The following GULP1 variants were observed in gnomAD, a reference collection of about 807,000 sequenced individuals.
GULP1 encodes the protein PTB domain-containing engulfment adapter protein 1.
Under a neutral mutation model 40.9 loss-of-function variants are expected in GULP1, and 19 were observed. That is an observed-to-expected ratio of 0.46 (90% CI 0.32 to 0.68). The LOEUF is 0.68. Ranked by LOEUF, GULP1 falls within the 30% of genes least tolerant of loss-of-function variation. The pLI, the probability that GULP1 is intolerant of heterozygous loss-of-function variation, is 0.03. For missense variants in GULP1, 312 were observed against 362.2 expected (o/e 0.86, Z 1.12); for synonymous variants, 119 against 117.6 (o/e 1.01, Z -0.08).
At position 188,580,281 on chromosome 2, in the gene GULP1, C is replaced by T. The variant is rs565373919; in HGVS notation, c.610-3984C>T. 1.1e-4 allele frequency among the ~76,000 whole-genome samples: 17 copies of T among 152,244 alleles called. No homozygotes were observed. The South Asian group carries it at 3.3e-3, about 30-fold the overall frequency. ...TTACAATGGAGATCAAGGCCGGGCG[C>T]GGTGGCTCACGCCTGTAATCCCAGC... is the stretch of plus-strand genomic sequence containing the variant. On this transcript the variant is annotated intron_variant, in intron 9 of 11. Transcript: ENST00000409830.
At chr2:188,476,351 A>G (rs73040495) in intron 2 of GULP1, among the ~76,000 whole-genome samples, 119 of 152,204 alleles carry the variant, frequency 7.8e-4, no homozygotes, top group Non-Finnish European at 1.4e-3. Context: ...TCGTGAATTT[A>G]TCTCTAACAG....
At chr2:188,406,264 A>G (rs1319187172) in intron 2 of GULP1, among the ~76,000 whole-genome samples, 3 of 152,188 alleles carry the variant, frequency 2.0e-5, no homozygotes, top group African/African-American at 7.2e-5. Flanking sequence ...GCAGAATACT[A>G]TAGGCAGTTG....
intron 9 of GULP1, among the ~76,000 whole-genome samples, chr2:188,575,197 A>G (rs1320693524): frequency 2.6e-5 from 4 of 152,132 alleles, no homozygotes; most frequent in Admixed American, 6.5e-5. Context: ...GGATTTTGAA[A>G]TTGTTCTTAG....
chr2:188,381,673 G>A (rs1287461018), intron 1 of GULP1, among the ~76,000 whole-genome samples: 1 of 152,042 alleles, frequency 6.6e-6, no homozygotes, highest in Non-Finnish European at 1.5e-5. Context: ...TCCTAAAAAA[G>A]AACTAATTTT....
chr2:188,413,186 A>C (rs2054139223), intron 2 of GULP1, among the ~76,000 whole-genome samples: 1 of 152,238 alleles, frequency 6.6e-6, no homozygotes, highest in African/African-American at 2.4e-5. Context: ...AGTGCAGTCT[A>C]AGATGTGGCT....
At chr2:188,554,717 A>G (rs1694321682) in intron 7 of GULP1, among the ~76,000 whole-genome samples, 1 of 152,008 alleles carries the variant, frequency 6.6e-6, no homozygotes, top group African/African-American at 2.4e-5. Context: ...TAGATGATCT[A>G]TCTAGTACTG....
At chr2:188,404,382 A>G (rs1236682479) in intron 2 of GULP1, among the ~76,000 whole-genome samples, 1 of 152,166 alleles carries the variant, frequency 6.6e-6, no homozygotes, top group African/African-American at 2.4e-5. Context: ...CACTCTTTAC[A>G]TTACCCGCAT....
At chr2:188,401,113 AG>A (rs1434894955) in intron 2 of GULP1, among the ~76,000 whole-genome samples, 1 of 152,148 alleles carries the variant, frequency 6.6e-6, no homozygotes, top group Admixed American at 6.6e-5. Flanking sequence ...AACAAATCTT[AG>A]TATGTTAGTA....
chr2:188,513,806 G>A (rs138217663), intron 4 of GULP1, among the ~76,000 whole-genome samples: 519 of 151,994 alleles, frequency 3.4e-3, no homozygotes, highest in African/African-American at 0.011. Context: ...TGTCTATTTG[G>A]ATTTACAGCA....
At chr2:188,483,555 T>C (rs985232440) in intron 4 of GULP1, 63 bp downstream of exon 4, 3 of 622,134 alleles carry the variant, frequency 4.8e-6, no homozygotes, top group African/African-American at 1.9e-5. Context: ...AATTCATGGC[T>C]AATCTCAGAT....
intron 7 of GULP1, among the ~76,000 whole-genome samples, chr2:188,548,334 A>G (rs1050405552): frequency 2.0e-5 from 3 of 152,136 alleles, no homozygotes; most frequent in Non-Finnish European, 2.9e-5. Context: ...AGTAGTGAAC[A>G]TATGGATACA....
chr2:188,514,708 C>T (rs1311939654), intron 4 of GULP1, among the ~76,000 whole-genome samples: 1 of 152,054 alleles, frequency 6.6e-6, no homozygotes, highest in African/African-American at 2.4e-5. Flanking sequence ...AGTATTTTTA[C>T]ACAATTTTAA....
intron 4 of GULP1, among the ~76,000 whole-genome samples, chr2:188,495,750 G>C (rs1172565382): frequency 6.6e-6 from 1 of 151,930 alleles, no homozygotes; most frequent in African/African-American, 2.4e-5. Flanking sequence ...ACAGTGCCTA[G>C]CACATGGTTG....
chr2:188,527,650 A>G (rs1686521004), intron 5 of GULP1, among the ~76,000 whole-genome samples: 1 of 152,164 alleles, frequency 6.6e-6, no homozygotes, highest in Admixed American at 6.5e-5. Context: ...ATAGCAACCT[A>G]AGTTCGTAGA....
chr2:188,424,814 G>T (rs531908041), intron 2 of GULP1, among the ~76,000 whole-genome samples: 1 of 151,742 alleles, frequency 6.6e-6, no homozygotes, highest in Non-Finnish European at 1.5e-5. Flanking sequence ...TGTCATTTGT[G>T]CAGTAGAGTT....
At position 188,364,579 on chromosome 2, in the gene GULP1, G is replaced by C. The variant is rs898256311; in HGVS notation, c.-171-19184G>C. On this transcript the variant is annotated intron_variant, in intron 1 of 11. Transcript: ENST00000409830. ...CTCTTCTTTCTTTCTCTGGGAGGGAGATGCTAGTCATGTAACCTATGGTTT... is the reference window on the plus strand; with the variant it reads ...CTCTTCTTTCTTTCTCTGGGAGGGACATGCTAGTCATGTAACCTATGGTTT... Among the ~76,000 whole-genome samples the C allele has an allele frequency of 2.0e-5, 3 of 151,960 alleles. No homozygotes were observed. In the East Asian group the frequency reaches 5.8e-4, roughly 29 times the overall value.
At chr2:188,391,900 A>G (rs1165050858) in intron 2 of GULP1, among the ~76,000 whole-genome samples, 1 of 151,292 alleles carries the variant, frequency 6.6e-6, no homozygotes, top group Admixed American at 6.6e-5. Context: ...TCTTTAGGTG[A>G]TGTGTGTTGC....
intron 7 of GULP1, among the ~76,000 whole-genome samples, chr2:188,554,825 G>A (rs1161865997): frequency 6.6e-6 from 1 of 151,750 alleles, no homozygotes; most frequent in Non-Finnish European, 1.5e-5. Flanking sequence ...TCCAATATTG[G>A]GTGCATATAT....
chr2:188,346,214 G>A (rs1206541247), intron 1 of GULP1, among the ~76,000 whole-genome samples: 1 of 152,118 alleles, frequency 6.6e-6, no homozygotes, highest in Non-Finnish European at 1.5e-5. Flanking sequence ...CTTAACCCAG[G>A]GTAGGGTTAA....
Sources: allele counts gnomAD v4.1 joint callset (sites outside exome capture counted in the v4.1 genomes callset), GRCh38; gene constraint gnomAD v4.1.1; transcripts MANE v1.5; gene names NCBI Gene and HGNC (gene_info 2026-07-23, HGNC 2026-07-21).